Variants in MEGF11 observed in about 807,000 individuals in gnomAD.
MEGF11 encodes multiple EGF like domains 11.
A neutral mutation model predicts 146.6 loss-of-function variants in MEGF11; 126 were observed. The observed-to-expected ratio is 0.86, with a 90% CI of 0.74 to 1.00. The LOEUF is 1.00. Ranked by LOEUF, MEGF11 falls within the 50% of genes least tolerant of loss-of-function variation. The pLI, the probability that MEGF11 is intolerant of heterozygous loss-of-function variation, is 0.00. For missense variants in MEGF11, 1,509 were observed against 1,521.2 expected (o/e 0.99, Z 0.13); for synonymous variants, 532 against 583.4 (o/e 0.91, Z 1.27).
chr15:66,042,191 A>G (rs974369071), intron 5 of MEGF11, among the ~76,000 whole-genome samples: 2 of 149,996 alleles, frequency 1.3e-5, no homozygotes, highest in Non-Finnish European at 2.9e-5. Flanking sequence ...GCTCACTGCA[A>G]ACTTTGCCTC....
At chr15:66,126,439 C>A (rs1462014041) in intron 2 of MEGF11, among the ~76,000 whole-genome samples, 1 of 152,216 alleles carries the variant, frequency 6.6e-6, no homozygotes. Flanking sequence ...GCCTAAGAAG[C>A]CTGAAATGCC....
At chr15:66,008,830 A>G (rs1320105091) in intron 5 of MEGF11, among the ~76,000 whole-genome samples, 12 of 151,196 alleles carry the variant, frequency 7.9e-5, no homozygotes, top group African/African-American at 2.4e-4. Context: ...TCTCTTAGAA[A>G]AAAAAAAAAA....
At chr15:66,066,717 G>C (rs2085143012) in intron 5 of MEGF11, among the ~76,000 whole-genome samples, 1 of 152,258 alleles carries the variant, frequency 6.6e-6, no homozygotes, top group African/African-American at 2.4e-5. Context: ...CAGCCAGAGG[G>C]CTGAGCCTGC....
intron 20 of MEGF11, 73 bp downstream of exon 20, chr15:65,913,664 T>G (rs1596826612): frequency 1.5e-6 from 2 of 1,378,102 alleles, no homozygotes; most frequent in East Asian, 5.0e-5. Flanking sequence ...CAGCCAACCC[T>G]ACAGGCACAA....
At chr15:65,984,805 A>G (rs11630302) in intron 5 of MEGF11, among the ~76,000 whole-genome samples, 13 of 152,068 alleles carry the variant, frequency 8.5e-5, no homozygotes, top group South Asian at 2.1e-4. Context: ...GTCTCGCTCT[A>G]TTAGGCAGGA....
At chr15:65,946,782 G>A (rs1158679266) in intron 10 of MEGF11, among the ~76,000 whole-genome samples, 1 of 152,118 alleles carries the variant, frequency 6.6e-6, no homozygotes, top group Non-Finnish European at 1.5e-5. Context: ...AACCCTGCTC[G>A]AGACGGCAGT....
At chr15:65,925,280 T>G (rs560374277) in intron 13 of MEGF11, among the ~76,000 whole-genome samples, 1 of 152,374 alleles carries the variant, frequency 6.6e-6, no homozygotes, top group Non-Finnish European at 1.5e-5. Flanking sequence ...TCCTCATTTA[T>G]GGAGATTGAG....
chr15:66,043,635 G>C (rs531680311), intron 5 of MEGF11, among the ~76,000 whole-genome samples: 1 of 152,348 alleles, frequency 6.6e-6, no homozygotes, highest in Admixed American at 6.5e-5. Flanking sequence ...CTACCCAGAA[G>C]AACTGGCCCT....
At chr15:66,149,360 T>G (rs561747982) in intron 1 of MEGF11, among the ~76,000 whole-genome samples, 49 of 152,326 alleles carry the variant, frequency 3.2e-4, no homozygotes, top group Admixed American at 2.9e-3. Flanking sequence ...TCTCCAACCC[T>G]TGGTTTCCAC....
chr15:66,206,691 G>A (rs2140111172), intron 1 of MEGF11, among the ~76,000 whole-genome samples: 1 of 152,174 alleles, frequency 6.6e-6, no homozygotes, highest in East Asian at 1.9e-4. Flanking sequence ...ACGAGGTCAG[G>A]AGTTCGAGAC....
intron 4 of MEGF11, among the ~76,000 whole-genome samples, chr15:66,105,255 A>G (rs1175901718): frequency 2.6e-5 from 4 of 152,186 alleles, no homozygotes; most frequent in Non-Finnish European, 5.9e-5. Context: ...AGATAGAAGG[A>G]GGAGGCCCAA....
intron 13 of MEGF11, among the ~76,000 whole-genome samples, chr15:65,925,347 G>C (rs1466571714): frequency 6.6e-6 from 1 of 152,212 alleles, no homozygotes; most frequent in Non-Finnish European, 1.5e-5. Context: ...AGTCCCACTG[G>C]GTTCTAGGAC....
intron 4 of MEGF11, 150 bp from the exon 5 acceptor site, chr15:66,094,644 C>T: frequency 1.6e-6 from 1 of 622,308 alleles, no homozygotes; most frequent in South Asian, 2.2e-5. Context: ...AATCAAGCTA[C>T]ACCTGACCTG....
intron 9 of MEGF11, among the ~76,000 whole-genome samples, chr15:65,962,396 C>T (rs2080891026): frequency 6.6e-6 from 1 of 152,132 alleles, no homozygotes; most frequent in African/African-American, 2.4e-5. Context: ...AGAACTTGGG[C>T]AGTGGAAGAA....
chr15:65,970,851 A>G, intron 7 of MEGF11, 162 bp from the exon 8 acceptor site: 2 of 751,192 alleles, frequency 2.7e-6, no homozygotes, highest in Non-Finnish European at 4.2e-6. Flanking sequence ...GAGATGGGAG[A>G]TGGGAGACTG....
intron 1 of MEGF11, among the ~76,000 whole-genome samples, chr15:66,132,151 A>C (rs1248931001): frequency 6.6e-6 from 1 of 152,206 alleles, no homozygotes; most frequent in Non-Finnish European, 1.5e-5. Flanking sequence ...TAGAGATGGC[A>C]GCATCCTCTG....
intron 5 of MEGF11, among the ~76,000 whole-genome samples, chr15:66,011,037 G>A (rs1425230536): frequency 3.3e-5 from 5 of 152,286 alleles, no homozygotes; most frequent in African/African-American, 9.6e-5. Flanking sequence ...TACAGGGTGT[G>A]TGTAAAGGGG....
chr15:65,969,749 G>A (rs1356624514), intron 8 of MEGF11, among the ~76,000 whole-genome samples: 1 of 152,116 alleles, frequency 6.6e-6, no homozygotes, highest in South Asian at 2.1e-4. Flanking sequence ...TAAAGTCCAA[G>A]AGCCAGAAAT....
intron 5 of MEGF11, among the ~76,000 whole-genome samples, chr15:66,050,693 G>T (rs889972987): frequency 2.5e-4 from 38 of 152,348 alleles, no homozygotes; most frequent in African/African-American, 8.2e-4. Flanking sequence ...TGGGATTAGA[G>T]AATAGATGGA....
Sources: gnomAD v4.1 joint callset for allele counts (sites outside exome capture counted in the v4.1 genomes callset) on GRCh38, gnomAD v4.1.1 for gene constraint, MANE v1.5 for transcripts, NCBI Gene and HGNC (gene_info 2026-07-23, HGNC 2026-07-21) for gene names.